The following RBM26 variants were observed in gnomAD, a reference collection of about 807,000 sequenced individuals.
RBM26 encodes the protein RNA binding motif protein 26.
Under a neutral mutation model 123.6 loss-of-function variants are expected in RBM26, and 30 were observed. That is an observed-to-expected ratio of 0.24 (90% CI 0.18 to 0.33). The LOEUF (loss-of-function observed/expected upper bound fraction) is 0.33, where lower values mean the gene tolerates loss of function less well. Among genes scored for constraint, RBM26 ranks in the 10% least tolerant of loss-of-function variants. The pLI, the probability that RBM26 is intolerant of heterozygous loss-of-function variation, is 1.00. For synonymous variants in RBM26, 400 were observed against 404.4 expected, an observed-to-expected ratio of 0.99 and a Z score of 0.13; for missense variants, 947 against 1,203.6, an observed-to-expected ratio of 0.79 and a Z score of 3.15.
downstream of RBM26, among the ~76,000 whole-genome samples, chr13:79,317,899 C>A (rs2067293776): frequency 6.6e-6 from 1 of 151,676 alleles, no homozygotes; most frequent in Admixed American, 6.6e-5. Context: ...TGCATTCATT[C>A]ATTCATTAAT....
At chr13:79,373,504 TACTTATTTA>T (rs1400014012) in intron 3 of RBM26, among the ~76,000 whole-genome samples, 33 of 23,628 alleles carry the variant, frequency 1.4e-3, no homozygotes, top group African/African-American at 5.1e-3. Context: ...TGTATAAATA[TACTTATTTA>T]TATATATTAC....
At chr13:79,358,516 G>A in intron 10 of RBM26, 83 bp from the exon 11 acceptor site, 1 of 1,082,560 alleles carries the variant, frequency 9.2e-7, no homozygotes, top group Non-Finnish European at 1.3e-6. Context: ...TAACAAAATA[G>A]ATATCCAATT....
At chr13:79,347,028 T>A (rs1298684165) in intron 14 of RBM26, among the ~76,000 whole-genome samples, 1 of 152,242 alleles carries the variant, frequency 6.6e-6, no homozygotes, top group African/African-American at 2.4e-5. Context: ...CAAACCCATA[T>A]AATTTATTTA....
chr13:79,378,914 A>G lies in RBM26; in HGVS notation c.72-7T>C. 2 of 1,548,312 alleles carry G rather than the reference A, an allele frequency of 1.3e-6. No homozygotes were observed. The highest frequency in any genetic ancestry group is 1.8e-6 in the Non-Finnish European group (2 of 1,134,150). On this transcript the variant is annotated splice_polypyrimidine_tract_variant and splice_region_variant and intron_variant, in intron 1 of 21. Transcript: ENST00000438737. ...GGATGGATCTGCATCACAGCTAAAG[A>G]AAAAAACCAATGTTGAAGAAAATTT...
chr13:79,377,117 T>A, intron 3 of RBM26: 1 of 334,848 alleles, frequency 3.0e-6, no homozygotes, highest in South Asian at 5.4e-5. Flanking sequence ...CTGAGGACTT[T>A]GTAAGCTTGT....
intron 14 of RBM26, among the ~76,000 whole-genome samples, chr13:79,350,373 C>T (rs935697798): frequency 9.2e-5 from 14 of 152,248 alleles, no homozygotes; most frequent in Admixed American, 2.6e-4. Flanking sequence ...ATAATTTGAA[C>T]GGTCTTAAGT....
Position 79,384,009 on chromosome 13 carries a change from C to G in RBM26, c.72-5102G>C, listed in dbSNP as rs138895340. ...AGAAAGAGCCTAAGGCCTACTTGAC[C>G]TTCTTGACACATATGAGGGACAGGA... On this transcript the variant is annotated intron_variant, in intron 1 of 21. Coordinates refer to ENST00000438737, the MANE Select transcript of RBM26 (RefSeq NM_001366735.2). 6.7e-3 allele frequency among the ~76,000 whole-genome samples: 1,017 copies of G among 152,216 alleles called. 14 individuals carry two copies. The highest frequency in any genetic ancestry group is 0.023 in the African/African-American group (968 of 41,546).
intron 8 of RBM26, 40 bp from the exon 9 acceptor site, chr13:79,365,758 A>G (rs773594956): frequency 6.3e-7 from 1 of 1,578,358 alleles, no homozygotes; most frequent in Non-Finnish European, 8.6e-7. Flanking sequence ...CAATTATAAA[A>G]CTCCACTTGG....
intron 5 of RBM26, among the ~76,000 whole-genome samples, chr13:79,369,663 T>G (rs1293001345): frequency 2.6e-5 from 4 of 152,212 alleles, no homozygotes; most frequent in African/African-American, 9.6e-5. Context: ...GAAAAGTGTT[T>G]TAGGTGTTTT....
chr13:79,397,553 G>T (rs189526259), intron 1 of RBM26, among the ~76,000 whole-genome samples: 1 of 151,370 alleles, frequency 6.6e-6, no homozygotes, highest in East Asian at 2.0e-4. Flanking sequence ...GTGGTGGCAC[G>T]TGCCTGTAGT....
intron 1 of RBM26, among the ~76,000 whole-genome samples, chr13:79,382,210 T>TA (rs910508570): frequency 6.6e-6 from 1 of 152,098 alleles, no homozygotes; most frequent in African/African-American, 2.4e-5. Flanking sequence ...ATTAACTAAT[T>TA]AAAAAAACTA....
chr13:79,379,895 A>G (rs2076947795), intron 1 of RBM26, among the ~76,000 whole-genome samples: 1 of 152,188 alleles, frequency 6.6e-6, no homozygotes, highest in Non-Finnish European at 1.5e-5. Context: ...GTAAAAATTC[A>G]ACCTCACCCA....
chr13:79,403,596 A>G (rs2079240429), intron 1 of RBM26, among the ~76,000 whole-genome samples: 1 of 152,238 alleles, frequency 6.6e-6, no homozygotes, highest in Non-Finnish European at 1.5e-5. Flanking sequence ...ACAGTAGTCT[A>G]AGATTTCCTT....
intron 3 of RBM26, among the ~76,000 whole-genome samples, chr13:79,372,155 T>G: frequency 6.6e-6 from 1 of 152,106 alleles, no homozygotes; most frequent in East Asian, 1.9e-4. Context: ...GGCAGGGGCC[T>G]GTAATCCCAG....
At chr13:79,339,062 G>A (rs2070941388) in intron 18 of RBM26, among the ~76,000 whole-genome samples, 1 of 152,138 alleles carries the variant, frequency 6.6e-6, no homozygotes, top group South Asian at 2.1e-4. Context: ...TGCTAGTACA[G>A]GTATTTCAGT....
rs574377115 is a variant in RBM26, at chr13:79,353,278, G to A, written c.1987-54C>T. On this transcript the variant is annotated intron_variant, in intron 13 of 21. Transcript: ENST00000438737. ...TGTTTCCCCAAACATATAAAAGTCT[G>A]TTGGGATCTTGAACATTCTGATTCT... 3.3e-5 allele frequency: 35 copies of A among 1,045,328 alleles called. No homozygotes were observed. The Admixed American group carries it at 5.4e-4, about 16-fold the overall frequency. The allele number at this position is 1,045,328 out of a possible 1,614,324, so 64.8% of individuals were successfully genotyped here.
At chr13:79,383,484 A>C (rs959363034) in intron 1 of RBM26, among the ~76,000 whole-genome samples, 5 of 152,212 alleles carry the variant, frequency 3.3e-5, no homozygotes, top group African/African-American at 1.2e-4. Flanking sequence ...CTGTCAGGGA[A>C]TCTTTCATCT....
chr13:79,327,820 T>C (rs1447578761), intron 20 of RBM26, among the ~76,000 whole-genome samples: 7 of 152,100 alleles, frequency 4.6e-5, no homozygotes, highest in Admixed American at 4.6e-4. Flanking sequence ...AATTACCTAA[T>C]GGGTACAATG....
intron 6 of RBM26, among the ~76,000 whole-genome samples, chr13:79,367,699 CA>C (rs1227566404): frequency 6.6e-6 from 1 of 152,042 alleles, no homozygotes; most frequent in African/African-American, 2.4e-5. Context: ...AGGCCTTCAC[CA>C]GATGCAGATG....
Sources: allele counts gnomAD v4.1 joint callset (sites outside exome capture counted in the v4.1 genomes callset), GRCh38; gene constraint gnomAD v4.1.1; transcripts MANE v1.5; gene names NCBI Gene and HGNC (gene_info 2026-07-23, HGNC 2026-07-21).